Variants in TRPM8 observed in about 807,000 individuals in gnomAD.
The protein encoded by TRPM8 is TRPM8 cationic channel.
In TRPM8, 110 loss-of-function variants were observed where a neutral mutation model predicts 133.7. The observed-to-expected ratio is 0.82, with a 90% CI of 0.70 to 0.96. The LOEUF (loss-of-function observed/expected upper bound fraction) is 0.96. Among genes scored for constraint, TRPM8 ranks in the 40% least tolerant of loss-of-function variants. The pLI is 0.00. For missense variants in TRPM8, 1,291 were observed against 1,379.5 expected (o/e 0.94, Z 1.02); for synonymous variants, 535 against 532.3 (o/e 1.01, Z -0.07).
Position 233,985,777 on chromosome 2 carries a change from T to C in TRPM8, c.2851T>C (p.Phe951Leu). 6.2e-7 allele frequency: 1 copy of C among 1,614,172 alleles called. No individual in the cohort carries two copies. ...GCTGGATGAGCACAACCTGCCCCGGTTCCCCGAGTGGATCACCATCCCCCT... is the reference window on the plus strand; with the variant it reads ...GCTGGATGAGCACAACCTGCCCCGGCTCCCCGAGTGGATCACCATCCCCCT... ...VELDEHNLPR[F>L]PEWITIPLVC... Residue 951 changes from phenylalanine (F) to leucine (L), a missense_variant, in exon 21 of 26, where the codon TTC (phenylalanine) becomes CTC (leucine). Around this residue, in one of 2 missense-constraint regions of TRPM8, gnomAD observed 328 missense variants for 410.6 expected, o/e 0.80. Coordinates refer to ENST00000324695, the MANE Select transcript of TRPM8 (RefSeq NM_024080.5).
chr2:233,998,745 A>C (rs529381924), intron 22 of TRPM8, among the ~76,000 whole-genome samples: 20 of 152,116 alleles, frequency 1.3e-4, no homozygotes, highest in Non-Finnish European at 2.9e-4. Flanking sequence ...GCTTGTGCCC[A>C]TCCAGTTAGG....
chr2:234,003,641 A>C (rs775793315), intron 22 of TRPM8, among the ~76,000 whole-genome samples: 1 of 152,226 alleles, frequency 6.6e-6, no homozygotes, highest in Non-Finnish European at 1.5e-5. Flanking sequence ...CAGAAAACCT[A>C]CAAGCATCAT....
At chr2:234,006,976 T>C in intron 23 of TRPM8, 24 bp downstream of exon 23, 2 of 1,565,876 alleles carry the variant, frequency 1.3e-6, no homozygotes, top group Non-Finnish European at 1.8e-6. Flanking sequence ...CCCTTTCTGC[T>C]TTGCAAGGCT....
At chr2:233,940,115 T>C (rs1690868647) in intron 5 of TRPM8, among the ~76,000 whole-genome samples, 1 of 152,162 alleles carries the variant, frequency 6.6e-6, no homozygotes, top group Non-Finnish European at 1.5e-5. Flanking sequence ...TTACGTTTTT[T>C]GAAAAGTGTA....
intron 12 of TRPM8, among the ~76,000 whole-genome samples, chr2:233,961,630 C>CTTTTCT (rs1486191309): frequency 2.7e-5 from 3 of 111,664 alleles, no homozygotes; most frequent in African/African-American, 1.0e-4. Context: ...CTTTTCTTTT[C>CTTTTCT]TTTTTTTTTT....
At chr2:233,921,322 T>C (rs1160670332) in intron 1 of TRPM8, among the ~76,000 whole-genome samples, 1 of 152,164 alleles carries the variant, frequency 6.6e-6, no homozygotes, top group Admixed American at 6.5e-5. Context: ...CACCCCATCC[T>C]CCTCATCCTA....
Position 234,018,442 on chromosome 2 carries a change from CTA to C in TRPM8, c.*1188_*1189del, listed in dbSNP as rs1003182091. 2.0e-5 allele frequency: 3 copies of C among 151,276 alleles called. No homozygotes were observed. Among genetic ancestry groups the C allele is most frequent in the Non-Finnish European group, 4.4e-5 (3 of 67,876 alleles). 9.4% of individuals were successfully genotyped at this position (151,276 alleles called of 1,614,324 possible). Reference sequence around the variant, plus strand: ...TATTTATTATTAAATATTAAAATATCTATTTATTATTAAAACCATTTATAAGG... The same window carrying C: ...TATTTATTATTAAATATTAAAATATCTTTATTATTAAAACCATTTATAAGG... On this transcript the variant is annotated 3_prime_UTR_variant, in exon 26 of 26. Coordinates refer to ENST00000324695, the MANE Select transcript of TRPM8 (RefSeq NM_024080.5).
At chr2:234,004,856 T>C (rs1346480313) in intron 22 of TRPM8, among the ~76,000 whole-genome samples, 1 of 152,214 alleles carries the variant, frequency 6.6e-6, no homozygotes, top group Non-Finnish European at 1.5e-5. Flanking sequence ...ACACACACAT[T>C]CATAATCTAA....
intron 8 of TRPM8, chr2:233,947,585 A>G (rs1691075526): frequency 2.3e-6 from 3 of 1,290,770 alleles, no homozygotes; most frequent in South Asian, 2.5e-5. Context: ...GGATGCAGGT[A>G]TGTTGCATGA....
intron 6 of TRPM8, among the ~76,000 whole-genome samples, chr2:233,944,089 C>T (rs1400752131): frequency 6.6e-6 from 1 of 151,972 alleles, no homozygotes. Flanking sequence ...TAGTCTGGAG[C>T]CAGTTCCCTT....
intron 8 of TRPM8, among the ~76,000 whole-genome samples, chr2:233,948,429 C>G (rs933160935): frequency 6.6e-6 from 1 of 152,104 alleles, no homozygotes; most frequent in Non-Finnish European, 1.5e-5. Flanking sequence ...AAGGTCATCA[C>G]CAAGGTGATC....
chr2:233,971,216 C>A (rs533516693), intron 17 of TRPM8, among the ~76,000 whole-genome samples: 62 of 152,168 alleles, frequency 4.1e-4, no homozygotes, highest in African/African-American at 1.3e-3. Context: ...TTCCGAGGTA[C>A]AATGCCGTGT....
intron 17 of TRPM8, among the ~76,000 whole-genome samples, chr2:233,971,042 G>T (rs1691700982): frequency 6.6e-6 from 1 of 152,142 alleles, no homozygotes; most frequent in Non-Finnish European, 1.5e-5. Flanking sequence ...GGTGAAAGTG[G>T]TGTTATCCCT....
At chr2:233,918,713 C>G (rs1304014538) in intron 1 of TRPM8, among the ~76,000 whole-genome samples, 1 of 152,124 alleles carries the variant, frequency 6.6e-6, no homozygotes, top group Non-Finnish European at 1.5e-5. Context: ...ATGCCTACAA[C>G]AAAATAAATC....
At chr2:233,992,396 G>T (rs1448456268) in intron 21 of TRPM8, among the ~76,000 whole-genome samples, 1 of 151,868 alleles carries the variant, frequency 6.6e-6, no homozygotes, top group Non-Finnish European at 1.5e-5. Context: ...AAAGATGAAT[G>T]ACATAAATGT....
At chr2:233,975,517 C>T (rs1559537432) in intron 17 of TRPM8, among the ~76,000 whole-genome samples, 1 of 152,254 alleles carries the variant, frequency 6.6e-6, no homozygotes, top group Admixed American at 6.5e-5. Context: ...CTGACCCTGC[C>T]TCCCTTGCTG....
intron 21 of TRPM8, among the ~76,000 whole-genome samples, chr2:233,988,128 C>T (rs890287676): frequency 3.3e-5 from 5 of 152,086 alleles, no homozygotes; most frequent in Admixed American, 6.5e-5. Context: ...TCTCAGCTTC[C>T]CCACCATGCT....
rs201073316 is a variant in TRPM8, at chr2:233,963,279, C to A, written c.1654-3C>A. 5.6e-6 allele frequency: 9 copies of A among 1,609,122 alleles called. No homozygotes were observed. Among genetic ancestry groups the A allele is most frequent in the Middle Eastern group, 1.7e-4 (1 of 6,044 alleles). On this transcript the variant is annotated splice_region_variant and splice_polypyrimidine_tract_variant and intron_variant, in intron 12 of 25. Coordinates refer to ENST00000324695, the MANE Select transcript of TRPM8 (RefSeq NM_024080.5). ...ATGCTGACCACATGCTCTAACCCCC[C>A]AGGACGTGTCTCCTATTACTCGGCA...
chr2:233,955,924 C>G (rs557061822), intron 11 of TRPM8, among the ~76,000 whole-genome samples: 1 of 152,236 alleles, frequency 6.6e-6, no homozygotes, highest in Non-Finnish European at 1.5e-5. Flanking sequence ...GAGCGTGAAC[C>G]CTGTTGTGGA....
Sources: gnomAD v4.1 joint callset for allele counts (sites outside exome capture counted in the v4.1 genomes callset) on GRCh38, gnomAD v4.1.1 for gene constraint, gnomAD v4.1.1 regional missense constraint, MANE v1.5 for transcripts, NCBI Gene and HGNC (gene_info 2026-07-23, HGNC 2026-07-21) for gene names.